KCNB2: variants seen among roughly 807,000 people sequenced by gnomAD.
The protein encoded by KCNB2 is delayed rectifier potassium channel protein.
KCNB2 carries 15 observed loss-of-function variants against 61.5 expected under a neutral mutation model. The observed-to-expected ratio is 0.24, with a 90% CI of 0.16 to 0.38. KCNB2 has a LOEUF of 0.38. Among genes scored for constraint, KCNB2 ranks in the 10% least tolerant of loss-of-function variants. The probability of loss-of-function intolerance (pLI) is 1.00; values close to 1 mark genes in which losing one functional copy is unlikely to be tolerated. For missense variants in KCNB2, 828 were observed against 1,125.2 expected (o/e 0.74, Z 3.78); for synonymous variants, 457 against 446.0 (o/e 1.02, Z -0.31).
chr8:72,661,885 T>G (rs2128987375), intron 2 of KCNB2, among the ~76,000 whole-genome samples: 1 of 152,334 alleles, frequency 6.6e-6, no homozygotes, highest in South Asian at 2.1e-4. Context: ...TTACAGTCTT[T>G]TATTAATGAT....
chr8:72,874,516 T>G (rs1459908718), intron 2 of KCNB2, among the ~76,000 whole-genome samples: 1 of 152,160 alleles, frequency 6.6e-6, no homozygotes, highest in African/African-American at 2.4e-5. Flanking sequence ...GCTTTGGAAA[T>G]GCATCACAGC....
At chr8:72,546,835 A>G (rs535211602) in intron 1 of KCNB2, among the ~76,000 whole-genome samples, 60 of 152,318 alleles carry the variant, frequency 3.9e-4, no homozygotes, top group African/African-American at 1.4e-3. Context: ...AAAAAAAGAC[A>G]TGGTCTCACT....
chr8:72,820,661 T>C (rs575498645), intron 2 of KCNB2, among the ~76,000 whole-genome samples: 2 of 152,330 alleles, frequency 1.3e-5, no homozygotes, highest in East Asian at 3.9e-4. Flanking sequence ...AATCTTATGA[T>C]TATTTCTACC....
intron 2 of KCNB2, among the ~76,000 whole-genome samples, chr8:72,906,367 C>G (rs1310740140): frequency 2.6e-5 from 4 of 152,174 alleles, no homozygotes; most frequent in African/African-American, 9.7e-5. Flanking sequence ...AAAAACACTT[C>G]CAGAAGAGGT....
intron 2 of KCNB2, among the ~76,000 whole-genome samples, chr8:72,695,006 C>T (rs1265649587): frequency 6.6e-6 from 1 of 152,004 alleles, no homozygotes; most frequent in African/African-American, 2.4e-5. Context: ...CTGTATTAAG[C>T]TGAATCTTTA....
intron 2 of KCNB2, among the ~76,000 whole-genome samples, chr8:72,621,912 C>T (rs892073133): frequency 6.6e-6 from 1 of 152,178 alleles, no homozygotes; most frequent in African/African-American, 2.4e-5. Flanking sequence ...TTCATGTAAC[C>T]TCAAGCATAG....
intron 2 of KCNB2, among the ~76,000 whole-genome samples, chr8:72,777,732 T>G (rs548811738): frequency 6.6e-6 from 1 of 152,332 alleles, no homozygotes; most frequent in South Asian, 2.1e-4. Flanking sequence ...CACTCAGGTT[T>G]AGTGGTCATT....
intron 2 of KCNB2, among the ~76,000 whole-genome samples, chr8:72,748,398 A>C (rs771646485): frequency 6.6e-6 from 1 of 152,110 alleles, no homozygotes; most frequent in Non-Finnish European, 1.5e-5. Context: ...TTGCAAACCA[A>C]ATCCATTAGA....
chr8:72,594,319 C>T (rs1272780862), intron 2 of KCNB2, among the ~76,000 whole-genome samples: 4 of 152,126 alleles, frequency 2.6e-5, no homozygotes. Flanking sequence ...ATCCCTGCCA[C>T]TGAGCATTAT....
In KCNB2 at chr8:72,694,862, T is replaced by C. The variant is rs968848771; in HGVS notation, c.579+126549T>C. 2.0e-5 allele frequency among the ~76,000 whole-genome samples: 3 copies of C among 151,948 alleles called. No homozygotes were observed. In the East Asian group the frequency reaches 5.8e-4, roughly 29 times the overall value. On this transcript the variant is annotated intron_variant, in intron 2 of 2. Transcript: ENST00000523207. ...ATAAATTATTAATAAAATAAAATAG[T>C]TAATAGAATAAATAAATACCTTATT...
rs975911091 is a variant in KCNB2 at position 72,712,299 on chromosome 8, C to T, written c.579+143986C>T. On this transcript the variant is annotated intron_variant, in intron 2 of 2. Transcript: ENST00000523207. ...CACATCAGGCTGTAAGGCCTACCCC[C>T]AGTCTTACTGGTGGAATAGATAGTA... Among the ~76,000 whole-genome samples, 11 of 152,300 alleles carry T rather than the reference C, an allele frequency of 7.2e-5. No homozygotes were observed. The East Asian group carries it at 9.6e-4, about 13-fold the overall frequency.
intron 2 of KCNB2, among the ~76,000 whole-genome samples, chr8:72,870,488 T>C (rs1805599151): frequency 6.6e-6 from 1 of 152,226 alleles, no homozygotes; most frequent in South Asian, 2.1e-4. Context: ...GAACTTGAGT[T>C]CAATAATGCA....
intron 2 of KCNB2, among the ~76,000 whole-genome samples, chr8:72,754,216 T>C (rs1478013503): frequency 6.6e-6 from 1 of 152,206 alleles, no homozygotes; most frequent in Non-Finnish European, 1.5e-5. Flanking sequence ...GGTACCACTA[T>C]GGCAGTTTCT....
chr8:72,803,920 A>G (rs1371671311), intron 2 of KCNB2, among the ~76,000 whole-genome samples: 1 of 152,188 alleles, frequency 6.6e-6, no homozygotes, highest in East Asian at 1.9e-4. Flanking sequence ...CAGGTAGAGA[A>G]GTGTATCTGT....
chr8:72,741,653 G>A (rs933289598), intron 2 of KCNB2, among the ~76,000 whole-genome samples: 17 of 152,094 alleles, frequency 1.1e-4, no homozygotes, highest in Admixed American at 1.0e-3. Context: ...CCACTGGTAA[G>A]TGAGAGCATA....
chr8:72,608,922 A>C (rs1805497048), intron 2 of KCNB2, among the ~76,000 whole-genome samples: 1 of 152,180 alleles, frequency 6.6e-6, no homozygotes, highest in African/African-American at 2.4e-5. Context: ...TACAAGGAGG[A>C]GTTAAGATGT....
At chr8:72,934,577 ATCAAAATG>A in intron 2 of KCNB2, among the ~76,000 whole-genome samples, 1 of 152,258 alleles carries the variant, frequency 6.6e-6, no homozygotes, top group East Asian at 1.9e-4. Flanking sequence ...GTTGTGTGGT[ATCAAAATG>A]TCTAATCACT....
intron 2 of KCNB2, among the ~76,000 whole-genome samples, chr8:72,673,564 G>C (rs1806600901): frequency 6.6e-6 from 1 of 152,136 alleles, no homozygotes; most frequent in African/African-American, 2.4e-5. Flanking sequence ...AGCAGTGTAA[G>C]AACAGACTAA....
rs1294948031 is a variant in KCNB2, at chr8:72,567,653, G to T, written c.-82G>T. 4.4e-6 allele frequency: 4 copies of T among 908,706 alleles called. No individual in the cohort carries two copies. Among genetic ancestry groups the T allele is most frequent in the African/African-American group, 1.7e-5 (1 of 60,224 alleles). 56.3% of individuals were successfully genotyped at this position (908,706 alleles called of 1,614,324 possible). A position where few individuals can be genotyped will look rare whatever the true frequency, so the allele number is the denominator to read the frequency against. ...TTGCTTTCTTCCAGCTTTGTCAGTG[G>T]AAATGCCTGCCCCAGAGGGATATTG... On this transcript the variant is annotated 5_prime_UTR_variant, in exon 2 of 3. Transcript: ENST00000523207.
Sources: allele counts gnomAD v4.1 joint callset (sites outside exome capture counted in the v4.1 genomes callset), GRCh38; gene constraint gnomAD v4.1.1; transcripts MANE v1.5; gene names NCBI Gene and HGNC (gene_info 2026-07-23, HGNC 2026-07-21).